IMMP2L: variants seen among roughly 807,000 people sequenced by gnomAD.
IMMP2L encodes mitochondrial inner membrane protease subunit 2.
In IMMP2L, 18 loss-of-function variants were observed where a neutral mutation model predicts 19.3. The observed-to-expected ratio is 0.93, with a 90% confidence interval of 0.64 to 1.38. The LOEUF (loss-of-function observed/expected upper bound fraction) is 1.38, where lower values mean the gene tolerates loss of function less well. Ranked by LOEUF, IMMP2L falls within the 40% of genes most tolerant of loss-of-function variation. The probability of loss-of-function intolerance (pLI) is 0.00; values close to 1 mark genes in which losing one functional copy is unlikely to be tolerated. For missense variants in IMMP2L, 233 were observed against 218.2 expected (o/e 1.07, Z -0.43); for synonymous variants, 76 against 73.0 (o/e 1.04, Z -0.21).
chr7:111,107,027 A>G (rs139488685), intron 3 of IMMP2L, among the ~76,000 whole-genome samples: 1 of 152,102 alleles, frequency 6.6e-6, no homozygotes, highest in African/African-American at 2.4e-5. Flanking sequence ...CTAGAAAACA[A>G]TCAAAGTTTC....
intron 5 of IMMP2L, among the ~76,000 whole-genome samples, chr7:110,837,741 G>T (rs540878635): frequency 8.5e-5 from 13 of 152,246 alleles, no homozygotes; most frequent in Admixed American, 7.9e-4. Flanking sequence ...GATGAATGGG[G>T]GTTGGGAGGA....
At chr7:111,381,092 G>A (rs1190640288) in intron 3 of IMMP2L, among the ~76,000 whole-genome samples, 5 of 151,928 alleles carry the variant, frequency 3.3e-5, no homozygotes, top group Non-Finnish European at 4.4e-5. Flanking sequence ...AACACCACGC[G>A]AACTGTTGTA....
intron 5 of IMMP2L, among the ~76,000 whole-genome samples, chr7:110,669,077 GTGTGTGTGTGTGTA>G (rs1562903282): frequency 4.7e-4 from 44 of 93,366 alleles, no homozygotes; most frequent in East Asian, 1.9e-3. Context: ...GTGTGTGTGT[GTGTGTGTGTGTGTA>G]TATGTATATA....
At chr7:110,701,112 C>T (rs1053496152) in intron 5 of IMMP2L, among the ~76,000 whole-genome samples, 23 of 152,094 alleles carry the variant, frequency 1.5e-4, no homozygotes, top group South Asian at 4.2e-4. Flanking sequence ...ATACATGAGG[C>T]GATCTTGAAT....
chr7:110,941,450 A>G (rs1356359423), intron 4 of IMMP2L, among the ~76,000 whole-genome samples: 5 of 152,200 alleles, frequency 3.3e-5, no homozygotes, highest in African/African-American at 1.2e-4. Flanking sequence ...CAAACAAAAG[A>G]CATCTCTTCA....
intron 3 of IMMP2L, among the ~76,000 whole-genome samples, chr7:111,139,384 C>T (rs1277661452): frequency 6.6e-6 from 1 of 152,038 alleles, no homozygotes; most frequent in Non-Finnish European, 1.5e-5. Flanking sequence ...CTGCCAGAGA[C>T]TGGACTAGAT....
intron 3 of IMMP2L, among the ~76,000 whole-genome samples, chr7:111,333,330 C>T (rs1015900023): frequency 6.6e-6 from 1 of 151,988 alleles, no homozygotes; most frequent in Non-Finnish European, 1.5e-5. Context: ...ACATAAGATT[C>T]ATTGACTTGC....
chr7:111,469,622 G>A (rs574315005), intron 3 of IMMP2L, among the ~76,000 whole-genome samples: 2 of 152,196 alleles, frequency 1.3e-5, no homozygotes, highest in Admixed American at 1.3e-4. Flanking sequence ...AAGCAACGGG[G>A]AAAGGATTCC....
chr7:111,398,370 T>C (rs1833078218), intron 3 of IMMP2L, among the ~76,000 whole-genome samples: 1 of 151,922 alleles, frequency 6.6e-6, no homozygotes, highest in Non-Finnish European at 1.5e-5. Context: ...GAATTAAAAA[T>C]AAAAATCACA....
At chr7:111,097,437 T>A (rs1797520364) in intron 3 of IMMP2L, 1 of 151,960 alleles carries the variant, frequency 6.6e-6, no homozygotes, top group Admixed American at 6.6e-5. Flanking sequence ...ATCAAATTAA[T>A]AACGACTATA....
At chr7:111,469,139 G>A (rs1476739332) in intron 3 of IMMP2L, among the ~76,000 whole-genome samples, 2 of 152,098 alleles carry the variant, frequency 1.3e-5, no homozygotes, top group African/African-American at 4.8e-5. Flanking sequence ...CCAGTACCAT[G>A]CTGTTTTGGT....
Position 110,663,625 on chromosome 7 carries a change from G to A in IMMP2L, c.505C>T (p.Pro169Ser), listed in dbSNP as rs536867048. The A allele has an allele frequency of 2.5e-6, 4 of 1,613,104 alleles. No homozygotes were observed. Among genetic ancestry groups the A allele is most frequent in the Non-Finnish European group, 8.5e-7 (1 of 1,179,378 alleles). ...LESVLPPERL[P>S]VQREEE ...AGTCATTCCTCTTCTCTCTGTACTGGTAAGCGCTCTGGAGGAAGAACAGAT... is the reference window on the plus strand; with the variant it reads ...AGTCATTCCTCTTCTCTCTGTACTGATAAGCGCTCTGGAGGAAGAACAGAT... The change falls in exon 6 of 6, where the codon CCA becomes TCA. Residue 169 changes from proline to serine, a missense_variant. Coordinates refer to ENST00000405709, the MANE Select transcript of IMMP2L (RefSeq NM_032549.4).
chr7:111,240,069 T>C (rs532032027), intron 3 of IMMP2L, among the ~76,000 whole-genome samples: 1 of 152,044 alleles, frequency 6.6e-6, no homozygotes, highest in South Asian at 2.1e-4. Context: ...ATTTCCTCAT[T>C]TGTACAATCA....
At position 111,081,058 on chromosome 7, in the gene IMMP2L, A is replaced by G. The variant is rs576362108; in HGVS notation, c.240-117493T>C. 3.3e-5 allele frequency among the ~76,000 whole-genome samples: 5 copies of G among 152,350 alleles called. No individual in the cohort carries two copies. The East Asian group carries it at 9.6e-4, about 29-fold the overall frequency. Reference sequence around the variant, plus strand: ...TAGTGAGGATATTATTGATAGGATAAGTATTTGTGTACTTTCACATGAATA... The same window carrying G: ...TAGTGAGGATATTATTGATAGGATAGGTATTTGTGTACTTTCACATGAATA... On this transcript the variant is annotated intron_variant, in intron 3 of 5. Coordinates refer to ENST00000405709, the MANE Select transcript of IMMP2L (RefSeq NM_032549.4).
intron 5 of IMMP2L, among the ~76,000 whole-genome samples, chr7:110,828,236 A>C (rs1395194097): frequency 6.6e-6 from 1 of 152,174 alleles, no homozygotes; most frequent in Admixed American, 6.6e-5. Context: ...CTGTGTTCCA[A>C]AAAAAACTTT....
chr7:111,301,952 C>T lies in IMMP2L; in HGVS notation c.239+185286G>A, dbSNP rs1463150239. ...AAAAAAAAAAAAAAAAAAAAAAAAA[C>T]CTTAAGAATTCCCTGCCACAATTAG... is the stretch of plus-strand genomic sequence containing the variant. On this transcript the variant is annotated intron_variant, in intron 3 of 5. Coordinates refer to ENST00000405709, the MANE Select transcript of IMMP2L (RefSeq NM_032549.4). 8.5e-5 allele frequency among the ~76,000 whole-genome samples: 8 copies of T among 93,952 alleles called. No homozygotes were observed. In the Admixed American group the frequency reaches 9.1e-4, roughly 11 times the overall value. The allele number at this position is 93,952 out of a possible 152,430, so 61.6% of individuals were successfully genotyped here.
At chr7:110,822,570 T>C (rs1465166105) in intron 5 of IMMP2L, among the ~76,000 whole-genome samples, 1 of 152,148 alleles carries the variant, frequency 6.6e-6, no homozygotes, top group Admixed American at 6.6e-5. Context: ...ATCCATTCTT[T>C]CTTGTACATT....
chr7:111,094,595 T>C (rs775270416), intron 3 of IMMP2L, among the ~76,000 whole-genome samples: 1 of 152,158 alleles, frequency 6.6e-6, no homozygotes, highest in Non-Finnish European at 1.5e-5. Context: ...TTGTCAGTGC[T>C]GTCAAAGATA....
chr7:110,812,059 T>C (rs1193303594), intron 5 of IMMP2L, among the ~76,000 whole-genome samples: 3 of 152,054 alleles, frequency 2.0e-5, no homozygotes, highest in African/African-American at 7.2e-5. Context: ...ACACATATAT[T>C]TGGTGATGGA....
Sources: allele counts gnomAD v4.1 joint callset (sites outside exome capture counted in the v4.1 genomes callset), GRCh38; gene constraint gnomAD v4.1.1; transcripts MANE v1.5; gene names NCBI Gene and HGNC (gene_info 2026-07-23, HGNC 2026-07-21).